SH3D19: variants seen among roughly 807,000 people sequenced by gnomAD.
SH3D19 encodes SH3 domain-containing protein 19.
Under a neutral mutation model 112.1 loss-of-function variants are expected in SH3D19, and 58 were observed. The observed-to-expected ratio is 0.52, with a 90% CI of 0.42 to 0.64. SH3D19 has a LOEUF of 0.64. Among genes scored for constraint, SH3D19 ranks in the 30% least tolerant of loss-of-function variants. The pLI is 0.00. For missense variants in SH3D19, 1,090 were observed against 1,263.4 expected (o/e 0.86, Z 2.08); for synonymous variants, 391 against 448.5 (o/e 0.87, Z 1.62).
chr4:151,264,203 G>A (rs570246428), intron 1 of SH3D19, among the ~76,000 whole-genome samples: 1 of 152,148 alleles, frequency 6.6e-6, no homozygotes, highest in South Asian at 2.1e-4. Flanking sequence ...GGCTGAGGTG[G>A]GCAGATCACC....
At chr4:151,273,817 TTAAG>T (rs1293764468) in intron 1 of SH3D19, among the ~76,000 whole-genome samples, 2 of 152,044 alleles carry the variant, frequency 1.3e-5, no homozygotes, top group African/African-American at 4.8e-5. Flanking sequence ...AAGAACTATA[TTAAG>T]TGAGTTAACT....
chr4:151,236,548 C>T (rs1428441226), intron 1 of SH3D19, among the ~76,000 whole-genome samples: 2 of 151,962 alleles, frequency 1.3e-5, no homozygotes, highest in Non-Finnish European at 2.9e-5. Context: ...ATTGTAAACG[C>T]ACCAATCAGC....
intron 3 of SH3D19, among the ~76,000 whole-genome samples, chr4:151,185,975 G>T (rs998564219): frequency 2.0e-5 from 3 of 152,180 alleles, no homozygotes; most frequent in Admixed American, 2.0e-4. Context: ...AGGAGGTGGA[G>T]GTAGCAACGA....
intron 8 of SH3D19, among the ~76,000 whole-genome samples, chr4:151,163,639 G>A (rs908364489): frequency 1.0e-4 from 15 of 150,448 alleles, no homozygotes; most frequent in South Asian, 4.2e-4. Flanking sequence ...GGAGTGCAGC[G>A]GCATGATCTT....
At chr4:151,160,241 C>T (rs1221514652) in intron 8 of SH3D19, among the ~76,000 whole-genome samples, 2 of 152,058 alleles carry the variant, frequency 1.3e-5, no homozygotes, top group Non-Finnish European at 2.9e-5. Flanking sequence ...CACCCGCCAC[C>T]ACGCCTGCCT....
At chr4:151,246,971 C>G (rs1308817248) in intron 1 of SH3D19, among the ~76,000 whole-genome samples, 1 of 152,210 alleles carries the variant, frequency 6.6e-6, no homozygotes, top group Non-Finnish European at 1.5e-5. Flanking sequence ...TGCCCAAGGT[C>G]ATGGAGCTAG....
chr4:151,122,268 G>A, intron 19 of SH3D19, 61 bp from the exon 20 acceptor site: 1 of 838,332 alleles, frequency 1.2e-6, no homozygotes, highest in Non-Finnish European at 2.0e-6. Context: ...GGTAAATAGT[G>A]GCCTACCTAG....
intron 1 of SH3D19, among the ~76,000 whole-genome samples, chr4:151,234,318 T>C (rs1269303008): frequency 6.6e-6 from 1 of 152,220 alleles, no homozygotes; most frequent in East Asian, 1.9e-4. Flanking sequence ...AGGCTTTTAA[T>C]GATTTGGGGT....
intron 9 of SH3D19, among the ~76,000 whole-genome samples, chr4:151,149,862 A>C (rs72723728): frequency 2.5e-3 from 384 of 152,132 alleles, no homozygotes; most frequent in Non-Finnish European, 4.1e-3. Context: ...TTGAGGGAAA[A>C]TTTAAGCAGG....
chr4:151,190,379 A>G (rs556505711), intron 2 of SH3D19, among the ~76,000 whole-genome samples: 191 of 152,308 alleles, frequency 1.3e-3, no homozygotes, highest in African/African-American at 4.2e-3. Flanking sequence ...CCAAGACACT[A>G]TGGGGAGAAT....
intron 1 of SH3D19, among the ~76,000 whole-genome samples, chr4:151,268,125 G>C (rs1772950639): frequency 6.6e-6 from 1 of 152,172 alleles, no homozygotes; most frequent in Non-Finnish European, 1.5e-5. Flanking sequence ...TACACACCTA[G>C]GTTACATGCT....
At chr4:151,247,963 A>G (rs1771063475) in intron 1 of SH3D19, among the ~76,000 whole-genome samples, 1 of 152,212 alleles carries the variant, frequency 6.6e-6, no homozygotes, top group Non-Finnish European at 1.5e-5. Context: ...CCATAAACAC[A>G]TATTCCTTAC....
intron 1 of SH3D19, among the ~76,000 whole-genome samples, chr4:151,290,676 A>G (rs1349033989): frequency 6.6e-6 from 1 of 152,222 alleles, no homozygotes; most frequent in Non-Finnish European, 1.5e-5. Context: ...TATGTGAATT[A>G]TATGACAGTA....
chr4:151,290,632 C>T (rs571588173), intron 1 of SH3D19, among the ~76,000 whole-genome samples: 2 of 152,174 alleles, frequency 1.3e-5, no homozygotes, highest in East Asian at 3.9e-4. Context: ...TTGTACAACA[C>T]TGTAAATATA....
chr4:151,140,073 C>A, intron 12 of SH3D19: 1 of 460,174 alleles, frequency 2.2e-6, no homozygotes, highest in East Asian at 3.6e-5. Flanking sequence ...AAAATATCCC[C>A]CAGTATGTTT....
chr4:151,201,617 G>A (rs1009686189), intron 2 of SH3D19, among the ~76,000 whole-genome samples: 1 of 152,172 alleles, frequency 6.6e-6, no homozygotes, highest in African/African-American at 2.4e-5. Flanking sequence ...AACATCTGGA[G>A]TCTTTAAAAA....
intron 9 of SH3D19, among the ~76,000 whole-genome samples, chr4:151,158,386 G>T (rs1756525434): frequency 6.6e-6 from 1 of 152,002 alleles, no homozygotes; most frequent in Non-Finnish European, 1.5e-5. Context: ...TGCAACCTCT[G>T]TCTCCCGGGT....
intron 8 of SH3D19, among the ~76,000 whole-genome samples, chr4:151,160,512 G>T (rs564321705): frequency 5.9e-5 from 9 of 152,252 alleles, no homozygotes; most frequent in Non-Finnish European, 1.2e-4. Flanking sequence ...ATTTTAAAAA[G>T]AAGAAAACCA....
chr4:151,314,816 T>C (rs1312299354), intron 1 of SH3D19, among the ~76,000 whole-genome samples: 1 of 152,216 alleles, frequency 6.6e-6, no homozygotes, highest in African/African-American at 2.4e-5. Flanking sequence ...TTCTCAGTGC[T>C]TCGGTTCCAA....
Sources: gnomAD v4.1 joint callset for allele counts (sites outside exome capture counted in the v4.1 genomes callset) on GRCh38, gnomAD v4.1.1 for gene constraint, MANE v1.5 for transcripts, NCBI Gene and HGNC (gene_info 2026-07-23, HGNC 2026-07-21) for gene names.